RBFOX1: variants seen among roughly 807,000 people sequenced by gnomAD.
RBFOX1 encodes the protein RNA binding protein fox-1 homolog 1.
RBFOX1 carries 8 observed loss-of-function variants against 57.7 expected under a neutral mutation model. The observed-to-expected ratio is 0.14, with a 90% CI of 0.08 to 0.25. The LOEUF (loss-of-function observed/expected upper bound fraction) is 0.25. Ranked by LOEUF, RBFOX1 falls within the 10% of genes least tolerant of loss-of-function variation. The pLI is 1.00. For missense variants in RBFOX1, 611 were observed against 548.5 expected (o/e 1.11, Z -1.14); for synonymous variants, 326 against 222.4 (o/e 1.47, Z -4.15).
chr16:5,545,131 C>T (rs939428085), intron 2 of RBFOX1, among the ~76,000 whole-genome samples: 4 of 152,078 alleles, frequency 2.6e-5, no homozygotes, highest in African/African-American at 9.7e-5. Context: ...CACCTGCCAC[C>T]ATGCCTGGCT....
At chr16:6,413,266 C>T (rs1035318649) in intron 2 of RBFOX1, among the ~76,000 whole-genome samples, 11 of 147,968 alleles carry the variant, frequency 7.4e-5, no homozygotes, top group African/African-American at 2.8e-4. Flanking sequence ...TTGTGGTGAG[C>T]TGAGATGGTG....
intron 5 of RBFOX1, among the ~76,000 whole-genome samples, chr16:7,565,365 G>A (rs1364351507): frequency 6.6e-6 from 1 of 152,062 alleles, no homozygotes; most frequent in Non-Finnish European, 1.5e-5. Flanking sequence ...AACTTTTCTC[G>A]ATTGCTTTTT....
chr16:6,526,989 A>C (rs114409430), intron 2 of RBFOX1, among the ~76,000 whole-genome samples: 192 of 152,194 alleles, frequency 1.3e-3, no homozygotes, highest in African/African-American at 4.2e-3. Flanking sequence ...CAGAAGAGAA[A>C]TTCAAATCTG....
chr16:5,847,626 G>A (rs1414143678), intron 3 of RBFOX1, among the ~76,000 whole-genome samples: 1 of 152,148 alleles, frequency 6.6e-6, no homozygotes, highest in Non-Finnish European at 1.5e-5. Context: ...TCATTAGTTT[G>A]TTCTTTCTGG....
intron 14 of RBFOX1, among the ~76,000 whole-genome samples, chr16:7,708,538 GC>G: frequency 2.0e-5 from 3 of 152,108 alleles, no homozygotes; most frequent in African/African-American, 4.8e-5. Flanking sequence ...ACCCTTTAAG[GC>G]TGCTTCCATT....
chr16:7,138,551 A>C (rs960629456), intron 4 of RBFOX1, among the ~76,000 whole-genome samples: 4 of 152,140 alleles, frequency 2.6e-5, no homozygotes. Context: ...GTTATTGTGA[A>C]ACAACGTTAA....
chr16:7,021,203 A>G (rs1213195024), intron 3 of RBFOX1, among the ~76,000 whole-genome samples: 1 of 151,938 alleles, frequency 6.6e-6, no homozygotes, highest in Non-Finnish European at 1.5e-5. Context: ...CTTCTCAGTT[A>G]GTTGCTGAGT....
intron 3 of RBFOX1, among the ~76,000 whole-genome samples, chr16:6,666,549 A>G (rs2098734149): frequency 1.3e-5 from 2 of 151,432 alleles, no homozygotes; most frequent in South Asian, 2.1e-4. Flanking sequence ...CCAAAAAAAA[A>G]AAAAAAAAAC....
chr16:5,266,336 C>T lies in RBFOX1; in HGVS notation c.219+26231C>T, dbSNP rs532559916. ...AACTCCCCCCAAGTACAGGCAACCA[C>T]CAGTGTCCCCAGATATTGCCTAATG... is the stretch of plus-strand genomic sequence containing the variant. On this transcript the variant is annotated intron_variant, in intron 1 of 2. Coordinates refer to the RBFOX1 transcript ENST00000585867. Among the ~76,000 whole-genome samples the T allele has an allele frequency of 2.6e-5, 4 of 152,198 alleles. No homozygotes were observed. The South Asian group carries it at 8.3e-4, about 32-fold the overall frequency.
At chr16:6,545,172 C>T (rs538205501) in intron 2 of RBFOX1, among the ~76,000 whole-genome samples, 13 of 152,298 alleles carry the variant, frequency 8.5e-5, no homozygotes, top group Admixed American at 7.8e-4. Context: ...TCCAAACTAC[C>T]CGCATCTGGA....
intron 4 of RBFOX1, among the ~76,000 whole-genome samples, chr16:7,251,410 T>TG (rs1555628568): frequency 6.8e-6 from 1 of 146,806 alleles, no homozygotes; most frequent in Non-Finnish European, 1.5e-5. Context: ...TGTCCGTTTT[T>TG]TTTTTTTTTT....
intron 1 of RBFOX1, among the ~76,000 whole-genome samples, chr16:6,058,703 A>C (rs946699798): frequency 1.4e-5 from 2 of 147,036 alleles, no homozygotes; most frequent in African/African-American, 5.0e-5. Context: ...TCATCCATAC[A>C]TTCACCCACC....
chr16:6,657,343 C>T (rs972357527), intron 3 of RBFOX1, among the ~76,000 whole-genome samples: 2 of 152,062 alleles, frequency 1.3e-5, no homozygotes, highest in African/African-American at 4.8e-5. Flanking sequence ...TAGGAGCTTG[C>T]TTTATATATG....
At chr16:6,070,516 G>A (rs2095823073) in intron 1 of RBFOX1, among the ~76,000 whole-genome samples, 1 of 152,168 alleles carries the variant, frequency 6.6e-6, no homozygotes. Context: ...AGTCTGACAA[G>A]AAGTCACTCT....
intron 1 of RBFOX1, among the ~76,000 whole-genome samples, chr16:6,297,985 G>A (rs181875642): frequency 1.3e-3 from 194 of 152,300 alleles, no homozygotes; most frequent in African/African-American, 2.2e-3. Context: ...CAGTTCTTTC[G>A]GGGTGCTGGA....
rs532008790 is a variant in RBFOX1, at chr16:7,336,234, A to G, written c.28-181913A>G. 1.3e-4 allele frequency among the ~76,000 whole-genome samples: 20 copies of G among 152,236 alleles called. No homozygotes were observed. In the East Asian group the frequency reaches 3.7e-3, roughly 28 times the overall value. On this transcript the variant is annotated intron_variant, in intron 4 of 15. Coordinates refer to ENST00000550418, the MANE Select transcript of RBFOX1 (RefSeq NM_018723.4). ...GGACCATGGCCAAATGACATAACCA[A>G]AACAACAGCTTTGTAACTGGTTAGG...
rs925035238 is a variant in RBFOX1 at position 6,097,076 on chromosome 16, C to A, written c.-127+77084C>A. 6.6e-6 allele frequency among the ~76,000 whole-genome samples: 1 copy of A among 152,118 alleles called. No homozygotes were observed. Among genetic ancestry groups the A allele is most frequent in the Non-Finnish European group, 1.5e-5 (1 of 68,030 alleles). On this transcript the variant is annotated intron_variant, in intron 1 of 15. Transcript: ENST00000550418. The surrounding 1 kb of genome is among the most constrained non-coding windows in gnomAD (Gnocchi z 5.0). ...GGGGTGGTTTCCCCCATACTGTTGTCATGGTGGTGAGTAAGTCTTACTAGA... is the reference window on the plus strand; with the variant it reads ...GGGGTGGTTTCCCCCATACTGTTGTAATGGTGGTGAGTAAGTCTTACTAGA...
At position 7,389,543 on chromosome 16, in the gene RBFOX1, A is replaced by C. The variant is rs539512742; in HGVS notation, c.28-128604A>C. ...ATATCATTGCTTAATCTTGCGAACA[A>C]CTCTGGAAGATCCTTACAGAATGAC... is the stretch of plus-strand genomic sequence containing the variant. On this transcript the variant is annotated intron_variant, in intron 4 of 15. Transcript: ENST00000550418. Among the ~76,000 whole-genome samples, 5 of 152,230 alleles carry C rather than the reference A, an allele frequency of 3.3e-5. No homozygotes were observed. The South Asian group carries it at 6.2e-4, about 19-fold the overall frequency.
rs557298190 is a variant in RBFOX1, at chr16:5,440,814, G to A, written c.220-26402G>A. ...CACAGAATGAGATTCTCATGAGCTGGGAGGGATTCCCATGAGTTGGTCTTC... is the reference window on the plus strand; with the variant it reads ...CACAGAATGAGATTCTCATGAGCTGAGAGGGATTCCCATGAGTTGGTCTTC... On this transcript the variant is annotated intron_variant, in intron 1 of 2. Coordinates refer to the RBFOX1 transcript ENST00000585867. 1.1e-4 allele frequency among the ~76,000 whole-genome samples: 17 copies of A among 152,214 alleles called. No individual in the cohort carries two copies. The South Asian group carries it at 3.1e-3, about 28-fold the overall frequency.
Sources: gnomAD v4.1 joint callset for allele counts (sites outside exome capture counted in the v4.1 genomes callset) on GRCh38, gnomAD v4.1.1 for gene constraint, Gnocchi (gnomAD v3.1) non-coding constraint, MANE v1.5 for transcripts, NCBI Gene and HGNC (gene_info 2026-07-23, HGNC 2026-07-21) for gene names.